Variants in EVC observed in about 807,000 individuals in gnomAD.
EVC encodes the protein evC complex member EVC.
A neutral mutation model predicts 118.9 loss-of-function variants in EVC; 116 were observed. The observed-to-expected ratio is 0.98, with a 90% confidence interval of 0.84 to 1.14. EVC has a LOEUF of 1.14. EVC is among the 50% of genes most tolerant of loss of function. The pLI is 0.00. For synonymous variants in EVC, 619 were observed against 534.7 expected (o/e 1.16, Z -2.18); for missense variants, 1,401 against 1,246.4 (o/e 1.12, Z -1.87).
chr4:5,712,064 G>T (rs981897218), intron 1 of EVC, among the ~76,000 whole-genome samples: 5 of 152,180 alleles, frequency 3.3e-5, no homozygotes, highest in Admixed American at 3.3e-4. Flanking sequence ...GCCTAGGGAC[G>T]ACATTCATGA....
At chr4:5,752,283 C>T (rs1730497571) in intron 8 of EVC, among the ~76,000 whole-genome samples, 1 of 152,076 alleles carries the variant, frequency 6.6e-6, no homozygotes, top group Non-Finnish European at 1.5e-5. Context: ...CCTGTCTTTT[C>T]TGAGAGTCCC....
Position 5,754,245 on chromosome 4 carries a change from G to A in EVC, c.1464+312G>A, listed in dbSNP as rs1007995746. 3.0e-4 allele frequency among the ~76,000 whole-genome samples: 46 copies of A among 152,160 alleles called. No individual in the cohort carries two copies. Among genetic ancestry groups the A allele is most frequent in the African/African-American group, 1.1e-3 (45 of 41,442 alleles). The stretch of plus-strand genomic sequence containing the variant: ...CACAGATGGTGGCAATGGCGTGAAG[G>A]GAGCAATGTGTGGCCCAGAGGGGAC... On this transcript the variant is annotated intron_variant, in intron 10 of 20. Coordinates refer to ENST00000264956, the MANE Select transcript of EVC (RefSeq NM_153717.3). The surrounding 1 kb of genome is among the most constrained non-coding windows in gnomAD (Gnocchi z 5.8).
intron 8 of EVC, among the ~76,000 whole-genome samples, chr4:5,748,528 C>CCAT (rs1378360083): frequency 1.3e-5 from 2 of 151,110 alleles, no homozygotes; most frequent in Non-Finnish European, 2.9e-5. Flanking sequence ...ATCCATCCAT[C>CCAT]CATCTACCCA....
chr4:5,763,415 T>C lies in EVC; in HGVS notation c.1563+7053T>C, dbSNP rs1313265777. 2.2e-3 allele frequency among the ~76,000 whole-genome samples: 330 copies of C among 147,550 alleles called. 3 individuals are homozygous for C. Among genetic ancestry groups the C allele is most frequent in the African/African-American group, 8.2e-3 (322 of 39,418 alleles). On this transcript the variant is annotated intron_variant, in intron 11 of 20. Transcript: ENST00000264956. ...TTCTGGTTCCATATGAACTTTAAAG[T>C]AGTTTTTTCCAATTCTGTGAAGAAA...
intron 7 of EVC, 65 bp downstream of exon 7, chr4:5,745,406 T>G (rs2152028515): frequency 2.0e-6 from 3 of 1,529,196 alleles, no homozygotes; most frequent in Non-Finnish European, 2.7e-6. Flanking sequence ...ATTGGCTACA[T>G]TAGAGAGATG....
chr4:5,797,267 C>T, intron 14 of EVC, 35 bp downstream of exon 14: 1 of 1,527,004 alleles, frequency 6.5e-7, no homozygotes, highest in Non-Finnish European at 8.9e-7. Flanking sequence ...CCATTCCAGA[C>T]AGGCGGTGCC....
intron 2 of EVC, among the ~76,000 whole-genome samples, chr4:5,726,333 C>G (rs567161504): frequency 6.6e-6 from 1 of 152,322 alleles, no homozygotes; most frequent in East Asian, 1.9e-4. Flanking sequence ...TCTTCATTCA[C>G]TATCCGGTTG....
At chr4:5,788,617 C>T (rs1712161295) in intron 12 of EVC, among the ~76,000 whole-genome samples, 1 of 152,210 alleles carries the variant, frequency 6.6e-6, no homozygotes, top group Non-Finnish European at 1.5e-5. Flanking sequence ...TCCTCGACTC[C>T]TCTTTCTTTC....
intron 1 of EVC, among the ~76,000 whole-genome samples, chr4:5,714,820 T>A (rs963242453): frequency 3.3e-5 from 5 of 152,218 alleles, no homozygotes; most frequent in African/African-American, 1.2e-4. Context: ...TTTTGTTTTG[T>A]TTGAGATAGG....
In EVC at chr4:5,749,782, T is replaced by G. The variant is rs906881068; in HGVS notation, c.1098+1476T>G. 6.6e-6 allele frequency among the ~76,000 whole-genome samples: 1 copy of G among 152,114 alleles called. No individual in the cohort carries two copies. Among genetic ancestry groups the G allele is most frequent in the Non-Finnish European group, 1.5e-5 (1 of 68,016 alleles). On this transcript the variant is annotated intron_variant, in intron 8 of 20. Transcript: ENST00000264956. The surrounding 1 kb of genome is among the most constrained non-coding windows in gnomAD (Gnocchi z 4.4). ...GAACCCTGCAGTGGCCACCCTGCCCTCAGCACAGACTCAGCTCCTCAGACC... is the reference window on the plus strand; with the variant it reads ...GAACCCTGCAGTGGCCACCCTGCCCGCAGCACAGACTCAGCTCCTCAGACC...
At chr4:5,715,785 C>T (rs1723857613) in intron 1 of EVC, among the ~76,000 whole-genome samples, 1 of 144,160 alleles carries the variant, frequency 6.9e-6, no homozygotes, top group African/African-American at 2.6e-5. Flanking sequence ...GCTCTGTCAC[C>T]CAGGCTGGAG....
At chr4:5,729,864 C>A (rs113159711) in intron 3 of EVC, among the ~76,000 whole-genome samples, 8 of 152,304 alleles carry the variant, frequency 5.3e-5, no homozygotes, top group African/African-American at 1.9e-4. Flanking sequence ...GAAACTGAGG[C>A]CCAGAGAGGC....
intron 17 of EVC, among the ~76,000 whole-genome samples, chr4:5,807,496 G>T (rs551782207): frequency 9.9e-4 from 151 of 152,312 alleles, no homozygotes; most frequent in Non-Finnish European, 1.7e-3. Context: ...TGCCCTAAAA[G>T]ATGGGAAGGA....
chr4:5,773,441 C>G (rs188984941), intron 11 of EVC, among the ~76,000 whole-genome samples: 3 of 152,262 alleles, frequency 2.0e-5, no homozygotes, highest in Admixed American at 6.5e-5. Context: ...TAGCTGAGGT[C>G]TAGCCTCCAA....
intron 11 of EVC, among the ~76,000 whole-genome samples, chr4:5,771,711 C>A (rs919193250): frequency 6.6e-6 from 1 of 152,158 alleles, no homozygotes. Flanking sequence ...CAGACCTCCC[C>A]GTCGCCGGGA....
chr4:5,806,525 A>G (rs945894411), intron 17 of EVC, among the ~76,000 whole-genome samples: 4 of 152,064 alleles, frequency 2.6e-5, no homozygotes, highest in African/African-American at 9.7e-5. Context: ...ACATGATTTC[A>G]TTCTTTTTTA....
chr4:5,756,364 T>A lies in EVC; in HGVS notation c.1563+2T>A. On this transcript the variant is annotated splice_donor_variant, in intron 11 of 20. Coordinates refer to ENST00000264956, the MANE Select transcript of EVC (RefSeq NM_153717.3). LOFTEE classifies it high-confidence loss of function. The surrounding 1 kb of genome is among the most constrained non-coding windows in gnomAD (Gnocchi z 4.2). ...GAGGCTGTGGTTGCACTCTGCCAGG[T>A]ACATGGCCTCTGTGGGGACCAGCAG... 1 of 1,606,052 alleles carries A rather than the reference T, an allele frequency of 6.2e-7. No homozygotes were observed. Among genetic ancestry groups the A allele is most frequent in the Non-Finnish European group, 8.5e-7 (1 of 1,176,344 alleles).
In EVC at chr4:5,788,034, C is replaced by A. The variant is rs1372196106; in HGVS notation, c.1776+4270C>A. Among the ~76,000 whole-genome samples, 3 of 152,250 alleles carry A rather than the reference C, an allele frequency of 2.0e-5. No homozygotes were observed. In the East Asian group the frequency reaches 5.8e-4, roughly 29 times the overall value. ...TCTCAGTCTCCTTTGCTGGCCCCTT[C>A]CCAGCTCCTTAATTTCTGAACACTG... is the stretch of plus-strand genomic sequence containing the variant. On this transcript the variant is annotated intron_variant, in intron 12 of 20. Transcript: ENST00000264956.
At chr4:5,818,149 G>C (rs751816220), downstream of EVC, among the ~76,000 whole-genome samples, 4 of 152,072 alleles carry the variant, frequency 2.6e-5, no homozygotes, top group Admixed American at 6.5e-5. Context: ...AGGTCTGATG[G>C]TTTAGAAGGG....
Sources: allele counts gnomAD v4.1 joint callset (sites outside exome capture counted in the v4.1 genomes callset), GRCh38; gene constraint gnomAD v4.1.1; non-coding constraint Gnocchi (gnomAD v3.1); transcripts MANE v1.5; gene names NCBI Gene and HGNC (gene_info 2026-07-23, HGNC 2026-07-21).